ABCC11: variants seen among roughly 807,000 people sequenced by gnomAD.
ABCC11 encodes the protein ATP-binding cassette sub-family C member 11.
Under a neutral mutation model 149.3 loss-of-function variants are expected in ABCC11, and 135 were observed. The ratio of observed to expected loss-of-function variants is 0.90; its 90% confidence interval spans 0.79 to 1.04. The LOEUF is 1.04. ABCC11 is among the 50% of genes least tolerant of loss of function. The pLI is 0.00. For missense variants in ABCC11, 1,680 were observed against 1,722.1 expected, an observed-to-expected ratio of 0.98 and a Z score of 0.43; for synonymous variants, 665 against 671.4, an observed-to-expected ratio of 0.99 and a Z score of 0.15.
intron 1 of ABCC11, among the ~76,000 whole-genome samples, chr16:48,245,191 C>G (rs549088365): frequency 6.6e-6 from 1 of 152,162 alleles, no homozygotes; most frequent in Non-Finnish European, 1.5e-5. Flanking sequence ...CCTAATCCTT[C>G]TGTTTCCCTT....
intron 12 of ABCC11, 86 bp downstream of exon 12, chr16:48,208,339 A>C (rs1419662303): frequency 6.8e-7 from 1 of 1,466,030 alleles, no homozygotes; most frequent in Non-Finnish European, 9.5e-7. Flanking sequence ...GGAAGAAAGC[A>C]GTGGGGGGCC....
chr16:48,168,411 G>A (rs1965475102), intron 28 of ABCC11, among the ~76,000 whole-genome samples: 1 of 152,128 alleles, frequency 6.6e-6, no homozygotes, highest in African/African-American at 2.4e-5. Context: ...CCAGGCTTTG[G>A]GCCCCACTGA....
In ABCC11 at chr16:48,178,650, A is replaced by G; in HGVS notation, c.3295T>C (p.Leu1099=). The G allele has an allele frequency of 1.2e-6, 2 of 1,614,136 alleles. No individual in the cohort carries two copies. The highest frequency in any genetic ancestry group is 2.2e-5 in the South Asian group (2 of 91,072). ...GCCGTGAACTGTGCCTCTGTCTCCA[A>G]GCCAATCCGGGCAGTGGCCTGGAAG... is the stretch of plus-strand genomic sequence containing the variant. ...SSFQATARIG[L]ETEAQFTAVE... Residue 1099 remains leucine (L), a synonymous_variant, in exon 24 of 30, where the codon TTG becomes CTG. Transcript: ENST00000356608.
chr16:48,228,592 G>A (rs1015232941), intron 3 of ABCC11, among the ~76,000 whole-genome samples: 14 of 148,150 alleles, frequency 9.4e-5, no homozygotes, highest in Non-Finnish European at 1.6e-4. Flanking sequence ...GCACGACTCC[G>A]TCTCAAAAGA....
chr16:48,211,182 C>T lies in ABCC11; in HGVS notation c.1374G>A (p.Glu458=). Residue 458 remains glutamate (E), a synonymous_variant, in exon 11 of 30, where the codon GAG becomes GAA. Transcript: ENST00000356608. ...ATGTCTGGACATAGAAAACAGGGCT[C>T]TCCTGGAGGAAAAACTTCTGTAAAG... ...VMRFKKFFLQ[E]SPVFYVQTLQ... 1 of 1,613,946 alleles carries T rather than the reference C, an allele frequency of 6.2e-7. No individual in the cohort carries two copies. Among genetic ancestry groups the T allele is most frequent in the Non-Finnish European group, 8.5e-7 (1 of 1,179,978 alleles).
intron 20 of ABCC11, among the ~76,000 whole-genome samples, chr16:48,187,969 G>A (rs898190208): frequency 3.3e-5 from 5 of 152,116 alleles, no homozygotes; most frequent in Admixed American, 6.5e-5. Context: ...CCAGTGTGTC[G>A]TGTCAGTTTA....
chr16:48,239,732 T>C (rs1371884500), intron 1 of ABCC11, among the ~76,000 whole-genome samples: 2 of 151,492 alleles, frequency 1.3e-5, no homozygotes, highest in Admixed American at 6.6e-5. Context: ...ACCAGCAGAG[T>C]GAACAGACAA....
At chr16:48,180,151 C>G (rs1024358948) in intron 23 of ABCC11, among the ~76,000 whole-genome samples, 6 of 152,252 alleles carry the variant, frequency 3.9e-5, no homozygotes, top group African/African-American at 1.4e-4. Context: ...CACATTAATT[C>G]TACTCCTCTT....
At position 48,175,350 on chromosome 16, in the gene ABCC11, G is replaced by A. The variant is rs557249350; in HGVS notation, c.3606C>T (p.Asp1202=). ...VEPMAGRILI[D]GVDICSIGLE... Reference sequence around the variant, plus strand: ...GGCCGATGCTGCAAATGTCCACGCCGTCAATGAGAATCCGGCCTGCCATGG... The same window carrying A: ...GGCCGATGCTGCAAATGTCCACGCCATCAATGAGAATCCGGCCTGCCATGG... Residue 1202 remains aspartate (D), a synonymous_variant, in exon 26 of 30, where the codon GAC becomes GAT. Transcript: ENST00000356608. 25 of 1,614,004 alleles carry A rather than the reference G, an allele frequency of 1.5e-5. No homozygotes were observed. The highest frequency in any genetic ancestry group is 2.2e-5 in the East Asian group (1 of 44,898).
Position 48,211,093 on chromosome 16 carries a change from G to A in ABCC11, c.1463C>T (p.Pro488Leu), listed in dbSNP as rs1483625036. 5 of 1,614,054 alleles carry A rather than the reference G, an allele frequency of 3.1e-6. No homozygotes were observed. The Admixed American group carries it at 6.7e-5, about 22-fold the overall frequency. The change falls in exon 11 of 30, where the codon CCC (proline) becomes CTC (leucine). Residue 488 changes from proline (P) to leucine (L), a missense_variant. Pro to Leu is a moderately conservative substitution (Grantham distance 98). Transcript: ENST00000356608. ...EATLSWQQTC[P>L]GIVNGALELE... is the part of the protein sequence containing the mutation. ...CTCCAGTGCCCCATTGACGATCCCG[G>A]GACAGGTCTGTTGCCATGACAAGGT...
At chr16:48,183,578 A>C (rs1329072710) in intron 23 of ABCC11, among the ~76,000 whole-genome samples, 1 of 152,220 alleles carries the variant, frequency 6.6e-6, no homozygotes, top group African/African-American at 2.4e-5. Context: ...CCTGGCCAAC[A>C]TGGCAAAACC....
chr16:48,241,346 T>C (rs1266601519), intron 1 of ABCC11, among the ~76,000 whole-genome samples: 2 of 152,204 alleles, frequency 1.3e-5, no homozygotes, highest in Non-Finnish European at 2.9e-5. Flanking sequence ...AACTGACTGA[T>C]ATCCTTCAAA....
intron 1 of ABCC11, among the ~76,000 whole-genome samples, chr16:48,244,788 T>G (rs1400122814): frequency 6.6e-6 from 1 of 152,204 alleles, no homozygotes; most frequent in Non-Finnish European, 1.5e-5. Context: ...GTCAGATACC[T>G]GCCCCATGAC....
At chr16:48,168,588 A>G (rs1438609385) in intron 28 of ABCC11, among the ~76,000 whole-genome samples, 1 of 152,228 alleles carries the variant, frequency 6.6e-6, no homozygotes, top group Non-Finnish European at 1.5e-5. Context: ...TCGCCTACGT[A>G]GGAGAAGGTT....
chr16:48,175,870 A>ACCCCCCCCCCCCCCCCCCCCCCCC (rs1966031320), intron 25 of ABCC11: 1 of 139,256 alleles, frequency 7.2e-6, no homozygotes, highest in Non-Finnish European at 1.5e-5. Flanking sequence ...TTCTCCAGTC[A>ACCCCCCCCCCCCCCCCCCCCCCCC]CCACCCGCCC....
intron 8 of ABCC11, 54 bp from the exon 9 acceptor site, chr16:48,215,083 G>A: frequency 1.2e-6 from 2 of 1,604,716 alleles, no homozygotes; most frequent in South Asian, 1.1e-5. Flanking sequence ...ATTCTCCAAA[G>A]AGCACAGCAC....
chr16:48,240,934 C>CT lies in ABCC11; in HGVS notation c.-19+6379dup, dbSNP rs891336042. Among the ~76,000 whole-genome samples the CT allele has an allele frequency of 3.0e-4, 45 of 148,520 alleles. No individual in the cohort carries two copies. In the East Asian group the frequency reaches 6.7e-3, roughly 22 times the overall value. ...CATATATCACATGGCCACAGCATCACTTTTTTTTTTATTTTTTGAGACAGA... is the reference window on the plus strand; with the variant it reads ...CATATATCACATGGCCACAGCATCACTTTTTTTTTTTATTTTTTGAGACAGA... On this transcript the variant is annotated intron_variant, in intron 1 of 29. Coordinates refer to ENST00000356608, the MANE Select transcript of ABCC11 (RefSeq NM_001370497.1).
intron 20 of ABCC11, among the ~76,000 whole-genome samples, chr16:48,189,554 A>G (rs1966853664): frequency 6.6e-6 from 1 of 152,248 alleles, no homozygotes; most frequent in Non-Finnish European, 1.5e-5. Flanking sequence ...TGGAAAAAGG[A>G]AAATATTTTA....
At chr16:48,176,047 A>C (rs1966047974) in intron 25 of ABCC11, 1 of 152,274 alleles carries the variant, frequency 6.6e-6, no homozygotes, top group Admixed American at 6.5e-5. Flanking sequence ...AAACCTACTG[A>C]ATGAATATAG....
Sources: allele counts gnomAD v4.1 joint callset (sites outside exome capture counted in the v4.1 genomes callset), GRCh38; gene constraint gnomAD v4.1.1; transcripts MANE v1.5; gene names NCBI Gene and HGNC (gene_info 2026-07-23, HGNC 2026-07-21).